Variants in PRKCH observed in about 807,000 individuals in gnomAD.
PRKCH encodes protein kinase C eta.
Under a neutral mutation model 82.5 loss-of-function variants are expected in PRKCH, and 28 were observed. The ratio of observed to expected loss-of-function variants is 0.34; its 90% confidence interval spans 0.25 to 0.47. The LOEUF is 0.47. PRKCH is among the 20% of genes least tolerant of loss of function. The pLI is 1.00. For missense variants in PRKCH, 705 were observed against 881.8 expected, an observed-to-expected ratio of 0.80 and a Z score of 2.54; for synonymous variants, 322 against 327.4, an observed-to-expected ratio of 0.98 and a Z score of 0.18.
At chr14:61,495,536 A>G (rs1395927708) in intron 10 of PRKCH, among the ~76,000 whole-genome samples, 1 of 152,252 alleles carries the variant, frequency 6.6e-6, no homozygotes, top group African/African-American at 2.4e-5. Flanking sequence ...TGTAAAAAGT[A>G]ATTGAATTGT....
chr14:61,434,198 C>A (rs897232069), intron 2 of PRKCH, among the ~76,000 whole-genome samples: 6 of 152,038 alleles, frequency 3.9e-5, no homozygotes, highest in African/African-American at 1.2e-4. Flanking sequence ...TTTACATTTT[C>A]AAGTATATAA....
intron 6 of PRKCH, among the ~76,000 whole-genome samples, chr14:61,452,401 A>G (rs1462724732): frequency 1.3e-5 from 2 of 152,190 alleles, no homozygotes; most frequent in Non-Finnish European, 2.9e-5. Flanking sequence ...GACTGACTCC[A>G]TAAAACAGGA....
intron 12 of PRKCH, among the ~76,000 whole-genome samples, chr14:61,534,120 G>A (rs1034694663): frequency 6.6e-6 from 1 of 152,196 alleles, no homozygotes; most frequent in African/African-American, 2.4e-5. Flanking sequence ...CACTGCTGAT[G>A]AGGATGTAAA....
chr14:61,378,258 C>G (rs978992124), intron 1 of PRKCH, among the ~76,000 whole-genome samples: 1 of 146,208 alleles, frequency 6.8e-6, no homozygotes, highest in Non-Finnish European at 1.5e-5. Flanking sequence ...CTCTCTCTGT[C>G]ACTTAGGCTG....
chr14:61,424,885 C>A (rs1197431931), intron 2 of PRKCH, among the ~76,000 whole-genome samples: 1 of 152,232 alleles, frequency 6.6e-6, no homozygotes, highest in Non-Finnish European at 1.5e-5. Context: ...CCCTGCTTCC[C>A]AGCCACTCCA....
rs548174768 is a variant in PRKCH at position 61,523,247 on chromosome 14, A to G, written c.1434-5828A>G. On this transcript the variant is annotated intron_variant, in intron 10 of 13. Coordinates refer to ENST00000332981, the MANE Select transcript of PRKCH (RefSeq NM_006255.5). ...CTGTAAAATCCATTGAACTCTATGC[A>G]CAAGCTAAGAAAAAAACCTTGCTTT... Among the ~76,000 whole-genome samples the G allele has an allele frequency of 1.6e-4, 24 of 152,124 alleles. No homozygotes were observed. In the South Asian group the frequency reaches 4.1e-3, roughly 26 times the overall value.
chr14:61,477,472 A>C (rs930186279), intron 9 of PRKCH, among the ~76,000 whole-genome samples: 3 of 152,180 alleles, frequency 2.0e-5, no homozygotes, highest in Non-Finnish European at 2.9e-5. Flanking sequence ...TTTTTCTTTA[A>C]ATGGAGACAA....
intron 1 of PRKCH, among the ~76,000 whole-genome samples, chr14:61,208,279 T>A (rs1053124310): frequency 1.3e-5 from 2 of 152,220 alleles, no homozygotes; most frequent in Non-Finnish European, 1.5e-5. Context: ...TTATTTATTT[T>A]TTTATTCAGT....
chr14:61,282,558 A>G (rs1356545078), intron 1 of PRKCH, among the ~76,000 whole-genome samples: 1 of 152,214 alleles, frequency 6.6e-6, no homozygotes, highest in Non-Finnish European at 1.5e-5. Flanking sequence ...TCCTATGCTA[A>G]TTAGACAAAA....
intron 2 of PRKCH, among the ~76,000 whole-genome samples, chr14:61,401,088 C>G (rs1881591471): frequency 6.6e-6 from 1 of 152,128 alleles, no homozygotes; most frequent in African/African-American, 2.4e-5. Context: ...TGCAAGGCTT[C>G]CCTTGAGTTC....
At chr14:61,426,790 C>G (rs1413633852) in intron 2 of PRKCH, among the ~76,000 whole-genome samples, 1 of 152,152 alleles carries the variant, frequency 6.6e-6, no homozygotes, top group Non-Finnish European at 1.5e-5. Context: ...TCTCATACAA[C>G]TACAAGAAAA....
intron 2 of PRKCH, among the ~76,000 whole-genome samples, chr14:61,439,861 A>G (rs889828832): frequency 2.0e-5 from 3 of 152,232 alleles, no homozygotes; most frequent in Admixed American, 6.5e-5. Flanking sequence ...TCCTCTGGTT[A>G]TAAGGAATCA....
chr14:61,328,440 T>C (rs2140124066), intron 1 of PRKCH, among the ~76,000 whole-genome samples: 1 of 127,686 alleles, frequency 7.8e-6, no homozygotes, highest in South Asian at 2.7e-4. Context: ...ACGCCCAAAA[T>C]GTTAAAGTCA....
chr14:61,537,509 G>GT (rs2140020589), intron 12 of PRKCH: 1 of 152,292 alleles, frequency 6.6e-6, no homozygotes, highest in African/African-American at 2.4e-5. Context: ...GTTCCACTGA[G>GT]TTTTGCCCTC....
At chr14:61,217,773 T>C (rs75857550) in intron 1 of PRKCH, among the ~76,000 whole-genome samples, 1,946 of 152,310 alleles carry the variant, frequency 0.013, 34 homozygotes, top group African/African-American at 0.045. Context: ...GTGCACTCAG[T>C]ATCCACAGGG....
chr14:61,456,899 T>G, intron 7 of PRKCH: 3 of 325,926 alleles, frequency 9.2e-6, no homozygotes, highest in Non-Finnish European at 1.7e-5. Context: ...ACACAAGGCA[T>G]TGGTGTTTCC....
chr14:61,461,081 C>T (rs543217579), intron 9 of PRKCH, among the ~76,000 whole-genome samples: 99 of 152,286 alleles, frequency 6.5e-4, no homozygotes, highest in Non-Finnish European at 1.1e-3. Flanking sequence ...CTCCCCTGCG[C>T]GCCTCTCCCT....
chr14:61,356,387 C>A (rs2046150235), intron 1 of PRKCH, among the ~76,000 whole-genome samples: 1 of 152,120 alleles, frequency 6.6e-6, no homozygotes, highest in Non-Finnish European at 1.5e-5. Context: ...CGTGCTTAGC[C>A]CTGGACTCTA....
At chr14:61,477,781 A>G (rs1885790976) in intron 9 of PRKCH, among the ~76,000 whole-genome samples, 1 of 152,232 alleles carries the variant, frequency 6.6e-6, no homozygotes, top group African/African-American at 2.4e-5. Flanking sequence ...CCATTACCAT[A>G]TAGCATCGGG....
Sources: gnomAD v4.1 joint callset for allele counts (sites outside exome capture counted in the v4.1 genomes callset) on GRCh38, gnomAD v4.1.1 for gene constraint, MANE v1.5 for transcripts, NCBI Gene and HGNC (gene_info 2026-07-23, HGNC 2026-07-21) for gene names.